The following NBAS variants were observed in gnomAD, a reference collection of about 807,000 sequenced individuals.
NBAS encodes the protein NAG/BC035112 fusion.
NBAS carries 219 observed loss-of-function variants against 302.5 expected under a neutral mutation model. The ratio of observed to expected loss-of-function variants is 0.72; its 90% CI spans 0.65 to 0.81. The LOEUF is 0.81. NBAS is among the 30% of genes least tolerant of loss of function. The pLI is 0.00. For missense variants in NBAS, 2,932 were observed against 2,841.6 expected (o/e 1.03, Z -0.72); for synonymous variants, 1,118 against 1,021.6 (o/e 1.09, Z -1.80).
chr2:15,355,319 AAAC>A lies in NBAS; in HGVS notation c.3931+981_3931+983del, dbSNP rs200554858. 8.8e-3 allele frequency among the ~76,000 whole-genome samples: 1,333 copies of A among 152,028 alleles called. 19 individuals are homozygous for A. Among genetic ancestry groups the A allele is most frequent in the East Asian group, 0.06 (310 of 5,162 alleles). The stretch of plus-strand genomic sequence containing the variant: ...ATTTAGTACAGAGCCCATGATAAGA[AAAC>A]AACAACAACAACAACAACAACAAAA... On this transcript the variant is annotated intron_variant, in intron 33 of 51. Transcript: ENST00000281513.
At chr2:15,154,573 T>G in the NBAS span, among the ~76,000 whole-genome samples, 2 of 152,204 alleles carry the variant, frequency 1.3e-5, no homozygotes, top group African/African-American at 4.8e-5. Flanking sequence ...ATGATTCAAC[T>G]CAGCAAGAAT....
intron 21 of NBAS, among the ~76,000 whole-genome samples, chr2:15,442,652 C>A (rs1453120136): frequency 2.0e-5 from 3 of 151,556 alleles, no homozygotes; most frequent in Non-Finnish European, 4.4e-5. Flanking sequence ...TAACTAAAAT[C>A]AGAGCAGAAC....
chr2:14,823,824 T>C, the NBAS span, among the ~76,000 whole-genome samples: 1 of 152,218 alleles, frequency 6.6e-6, no homozygotes, highest in African/African-American at 2.4e-5. Context: ...TTTGAAAGCA[T>C]ATCTTAAATA....
At chr2:15,330,412 C>G (rs924660639) in intron 36 of NBAS, among the ~76,000 whole-genome samples, 186 bp downstream of exon 36, 2 of 152,160 alleles carry the variant, frequency 1.3e-5, no homozygotes, top group South Asian at 2.1e-4. Flanking sequence ...TGCAAGTACT[C>G]CATGGGAATA....
chr2:15,261,509 T>C (rs1668851581), intron 44 of NBAS, among the ~76,000 whole-genome samples: 1 of 152,218 alleles, frequency 6.6e-6, no homozygotes, highest in Admixed American at 6.5e-5. Context: ...ATTGCTCATA[T>C]AATAAAAGTG....
At chr2:15,470,522 A>G (rs1266830002) in intron 16 of NBAS, among the ~76,000 whole-genome samples, 1 of 152,222 alleles carries the variant, frequency 6.6e-6, no homozygotes, top group Non-Finnish European at 1.5e-5. Context: ...ATAGCAGTGA[A>G]TAAAACAGAT....
the NBAS span, among the ~76,000 whole-genome samples, chr2:15,072,825 A>G: frequency 6.6e-6 from 1 of 152,220 alleles, no homozygotes; most frequent in Non-Finnish European, 1.5e-5. Context: ...AAGGCATACA[A>G]AAGAGCTTAA....
At chr2:15,429,028 A>C (rs1309497552) in intron 21 of NBAS, among the ~76,000 whole-genome samples, 1 of 133,824 alleles carries the variant, frequency 7.5e-6, no homozygotes, top group African/African-American at 2.9e-5. Flanking sequence ...ACAGACTGAT[A>C]CTCTGTCTCA....
intron 35 of NBAS, among the ~76,000 whole-genome samples, chr2:15,331,705 C>A (rs1016245860): frequency 2.0e-5 from 3 of 152,138 alleles, no homozygotes; most frequent in African/African-American, 7.2e-5. Context: ...CATCACATAA[C>A]AAATACTTAA....
At chr2:15,359,251 T>C (rs1673778966) in intron 32 of NBAS, among the ~76,000 whole-genome samples, 1 of 152,160 alleles carries the variant, frequency 6.6e-6, no homozygotes. Flanking sequence ...CTTGTTTTTC[T>C]CCTGTCTATT....
At chr2:15,098,182 G>A in the NBAS span, among the ~76,000 whole-genome samples, 1 of 11,168 alleles carries the variant, frequency 9.0e-5, no homozygotes, top group Non-Finnish European at 1.2e-4. Flanking sequence ...ATATTATATT[G>A]TATATAATAT....
chr2:15,195,861 C>T (rs997231576), intron 48 of NBAS, among the ~76,000 whole-genome samples: 11 of 152,146 alleles, frequency 7.2e-5, no homozygotes, highest in South Asian at 2.1e-4. Flanking sequence ...AGTGAGCATG[C>T]GTACAACTCT....
At chr2:14,779,773 A>T in the NBAS span, among the ~76,000 whole-genome samples, 1 of 152,222 alleles carries the variant, frequency 6.6e-6, no homozygotes, top group Non-Finnish European at 1.5e-5. Context: ...TGACCTGAGG[A>T]AAGCAGATTT....
chr2:15,098,590 A>ATGTATTGTATATAATATGT, the NBAS span, among the ~76,000 whole-genome samples: 736 of 115,522 alleles, frequency 6.4e-3, 31 homozygotes, highest in African/African-American at 0.014. Flanking sequence ...ATTATATATT[A>ATGTATTGTATATAATATGT]TATATATTAT....
the NBAS span, among the ~76,000 whole-genome samples, chr2:14,822,079 T>C: frequency 8.3e-4 from 126 of 152,124 alleles, no homozygotes; most frequent in African/African-American, 2.8e-3. Flanking sequence ...CCCAAAAATG[T>C]TATTAATGCG....
At chr2:15,049,199 C>A in the NBAS span, among the ~76,000 whole-genome samples, 5 of 152,178 alleles carry the variant, frequency 3.3e-5, no homozygotes, top group African/African-American at 7.2e-5. Flanking sequence ...CCACCTGCAC[C>A]CCCAGCTCCC....
Position 15,198,927 on chromosome 2 carries a change from C to A in NBAS, c.6433-8524G>T, listed in dbSNP as rs187359916. On this transcript the variant is annotated intron_variant, in intron 48 of 51. Transcript: ENST00000281513. ...GGATCATGAGGTCCGGAGATTGAGA[C>A]CATCCTGGTTAACATGGGGAAACCC... Among the ~76,000 whole-genome samples, 423 of 151,938 alleles carry A rather than the reference C, an allele frequency of 2.8e-3. 8 individuals carry two copies. Among genetic ancestry groups the A allele is most frequent in the Non-Finnish European group, 1.5e-3 (105 of 67,974 alleles).
the NBAS span, among the ~76,000 whole-genome samples, chr2:14,853,841 A>G: frequency 7.7e-6 from 1 of 129,994 alleles, no homozygotes; most frequent in South Asian, 2.6e-4. Context: ...CGAACACCGC[A>G]TATTCTCACT....
At chr2:15,317,286 T>C (rs887445473) in intron 38 of NBAS, among the ~76,000 whole-genome samples, 1 of 152,092 alleles carries the variant, frequency 6.6e-6, no homozygotes, top group African/African-American at 2.4e-5. Flanking sequence ...ACCACAAAGA[T>C]GGGGAGAAAC....
Sources: allele counts gnomAD v4.1 joint callset (sites outside exome capture counted in the v4.1 genomes callset), GRCh38; gene constraint gnomAD v4.1.1; transcripts MANE v1.5; gene names NCBI Gene and HGNC (gene_info 2026-07-23, HGNC 2026-07-21).